PRPF18: variants seen among roughly 807,000 people sequenced by gnomAD.
PRPF18 encodes pre-mRNA-splicing factor 18.
A neutral mutation model predicts 46.5 loss-of-function variants in PRPF18; 38 were observed. The ratio of observed to expected loss-of-function variants is 0.82; its 90% confidence interval spans 0.63 to 1.07. The LOEUF is 1.07. PRPF18 is among the 50% of genes least tolerant of loss of function. The probability of loss-of-function intolerance (pLI) is 0.00; values close to 1 mark genes in which losing one functional copy is unlikely to be tolerated. For synonymous variants in PRPF18, 152 were observed against 146.7 expected (o/e 1.04, Z -0.26); for missense variants, 263 against 410.0 (o/e 0.64, Z 3.10).
intron 3 of PRPF18, among the ~76,000 whole-genome samples, chr10:13,601,317 C>T (rs1340069018): frequency 6.6e-6 from 1 of 152,186 alleles, no homozygotes; most frequent in Non-Finnish European, 1.5e-5. Flanking sequence ...CCACTTTATA[C>T]TCCTAGCTGT....
intron 1 of PRPF18, among the ~76,000 whole-genome samples, chr10:13,588,407 A>G (rs2079908048): frequency 7.7e-6 from 1 of 130,176 alleles, no homozygotes; most frequent in South Asian, 2.4e-4. Flanking sequence ...ACACCGTCTC[A>G]AAAAAAAAAA....
chr10:13,606,426 A>G (rs1313840381), intron 4 of PRPF18, among the ~76,000 whole-genome samples: 1 of 152,184 alleles, frequency 6.6e-6, no homozygotes, highest in Non-Finnish European at 1.5e-5. Context: ...ATTTGTTTCC[A>G]GCTTTGGGCT....
intron 9 of PRPF18, among the ~76,000 whole-genome samples, chr10:13,622,775 T>C (rs1053813646): frequency 6.6e-6 from 1 of 152,194 alleles, no homozygotes; most frequent in African/African-American, 2.4e-5. Flanking sequence ...ACAGTGGGCT[T>C]CTTATTAGAA....
the PRPF18 span, chr10:13,654,184 G>A: frequency 1.7e-6 from 1 of 577,244 alleles, no homozygotes; most frequent in South Asian, 2.2e-5. Flanking sequence ...ACATCCCAAG[G>A]ACCACCGCCT....
chr10:13,621,945 A>G (rs2080426159), intron 9 of PRPF18, among the ~76,000 whole-genome samples: 1 of 152,222 alleles, frequency 6.6e-6, no homozygotes, highest in Admixed American at 6.5e-5. Context: ...TGTCCATGGA[A>G]CATTTGTGAG....
chr10:13,616,507 A>T lies in PRPF18; in HGVS notation c.902A>T (p.His301Leu). The T allele has an allele frequency of 6.2e-7, 1 of 1,614,204 alleles. No homozygotes were observed. The change falls in exon 9 of 10, where the codon CAT (histidine) becomes CTT (leucine). Residue 301 changes from histidine (H) to leucine (L), a missense_variant. This residue lies in a region of PRPF18 where 17 missense variants were observed against 74.2 expected (regional missense o/e 0.23). Coordinates refer to ENST00000378572, the MANE Select transcript of PRPF18 (RefSeq NM_003675.4). The part of the protein sequence containing the change: ...RTGREKIFSK[H>L]VAHVLNDETQ... ...GGCAGAGAAAAGATTTTTTCCAAGC[A>T]TGTTGCACATGTTTTAAATGACGAA...
At chr10:13,597,677 A>T (rs755332552) in intron 2 of PRPF18, 142 bp downstream of exon 2, 49 of 1,597,414 alleles carry the variant, frequency 3.1e-5, no homozygotes, top group Non-Finnish European at 4.2e-5. Context: ...GAGAGGTATG[A>T]GTTTTTGTTT....
chr10:13,651,737 TAAGAACCTTCAGCTAAA>T, the PRPF18 span: 1 of 618,108 alleles, frequency 1.6e-6, no homozygotes. Context: ...AATTTTGATG[TAAGAACCTTCAGCTAAA>T]AACATAGTTC....
At chr10:13,615,964 A>G (rs1331405750) in intron 8 of PRPF18, among the ~76,000 whole-genome samples, 1 of 151,954 alleles carries the variant, frequency 6.6e-6, no homozygotes, top group Non-Finnish European at 1.5e-5. Flanking sequence ...GGGAGTGGAT[A>G]TTGTTTAGGG....
At chr10:13,651,693 G>C in the PRPF18 span, 4 of 572,312 alleles carry the variant, frequency 7.0e-6, no homozygotes, top group South Asian at 8.5e-5. Context: ...ATACTCTGGG[G>C]GTCTTTTCTG....
chr10:13,653,090 G>T, the PRPF18 span: 107 of 152,374 alleles, frequency 7.0e-4, no homozygotes, highest in African/African-American at 2.5e-3. Context: ...GATGAGGATT[G>T]TATGAGCTCA....
intron 1 of PRPF18, among the ~76,000 whole-genome samples, chr10:13,597,043 A>C (rs532476016): frequency 2.0e-5 from 3 of 152,340 alleles, no homozygotes; most frequent in African/African-American, 7.2e-5. Context: ...TATCAAATGT[A>C]GGCTATATAT....
intron 3 of PRPF18, among the ~76,000 whole-genome samples, chr10:13,601,652 TGGG>T (rs938417765): frequency 2.6e-5 from 4 of 152,082 alleles, no homozygotes; most frequent in South Asian, 2.1e-4. Context: ...CATTTTATGT[TGGG>T]GGGTGTGTGT....
intron 4 of PRPF18, among the ~76,000 whole-genome samples, chr10:13,609,354 A>G (rs2080239701): frequency 6.6e-6 from 1 of 152,246 alleles, no homozygotes; most frequent in Non-Finnish European, 1.5e-5. Flanking sequence ...GGGTTAAGCA[A>G]GCTTTCAAAG....
chr10:13,638,757 G>C, the PRPF18 span: 2 of 152,028 alleles, frequency 1.3e-5, no homozygotes, highest in African/African-American at 4.8e-5. Flanking sequence ...GTGTTTACTC[G>C]GTCTACCAAT....
chr10:13,624,896 C>T (rs933755123), intron 9 of PRPF18, among the ~76,000 whole-genome samples: 1 of 152,202 alleles, frequency 6.6e-6, no homozygotes, highest in Non-Finnish European at 1.5e-5. Flanking sequence ...CGTTACTCAT[C>T]AGCATGAATG....
intron 1 of PRPF18, chr10:13,591,901 C>T (rs375401840): frequency 7.5e-5 from 106 of 1,413,242 alleles, no homozygotes; most frequent in East Asian, 1.6e-4. Flanking sequence ...AATGCTGGTT[C>T]GCAGTTTTCT....
the PRPF18 span, chr10:13,653,572 C>T: frequency 6.6e-6 from 1 of 152,294 alleles, no homozygotes; most frequent in Non-Finnish European, 1.5e-5. Context: ...CATGATTCAA[C>T]TCACAGCCAG....
the PRPF18 span, chr10:13,651,230 T>C: frequency 6.6e-6 from 1 of 152,272 alleles, no homozygotes; most frequent in East Asian, 1.9e-4. Context: ...TGTTGGCTTA[T>C]GGACATTTGG....
Sources: gnomAD v4.1 joint callset for allele counts (sites outside exome capture counted in the v4.1 genomes callset) on GRCh38, gnomAD v4.1.1 for gene constraint, gnomAD v4.1.1 regional missense constraint, MANE v1.5 for transcripts, NCBI Gene and HGNC (gene_info 2026-07-23, HGNC 2026-07-21) for gene names.